The following TTC6 variants were observed in gnomAD, a reference collection of about 807,000 sequenced individuals.
The protein encoded by TTC6 is tetratricopeptide repeat protein 6.
In TTC6, 172 loss-of-function variants were observed where a neutral mutation model predicts 210.4. The observed-to-expected ratio is 0.82, with a 90% confidence interval of 0.72 to 0.93. The LOEUF is 0.93. Among genes scored for constraint, TTC6 ranks in the 40% least tolerant of loss-of-function variants. TTC6 has a pLI of 0.00. For missense variants in TTC6, 2,414 were observed against 2,318.1 expected (o/e 1.04, Z -0.85); for synonymous variants, 804 against 819.6 (o/e 0.98, Z 0.32).
In TTC6 at chr14:37,636,181, G is replaced by C. The variant is rs112567400; in HGVS notation, c.939+13178G>C. Among the ~76,000 whole-genome samples, 26 of 152,132 alleles carry C rather than the reference G, an allele frequency of 1.7e-4. 1 individual carries two copies. Among genetic ancestry groups the C allele is most frequent in the African/African-American group, 5.8e-4 (24 of 41,510 alleles). On this transcript the variant is annotated intron_variant, in intron 1 of 30. Coordinates refer to ENST00000553443, the Ensembl canonical transcript of TTC6. Reference sequence around the variant, plus strand: ...AATTGAAAATTATAGTTAAAAACGCGTAACACCCTTCTTTCAGCAATTGGT... The same window carrying C: ...AATTGAAAATTATAGTTAAAAACGCCTAACACCCTTCTTTCAGCAATTGGT...
exon 6 of TTC6, chr14:37,714,679 G>A (rs1392242483): frequency 6.5e-7 from 1 of 1,535,252 alleles, no homozygotes; most frequent in African/African-American, 1.4e-5. Context: ...TTCCTGTTAT[G>A]GATGACAACC....
At chr14:37,826,650 T>A (rs961576136) in intron 28 of TTC6, among the ~76,000 whole-genome samples, 2 of 152,134 alleles carry the variant, frequency 1.3e-5, no homozygotes, top group African/African-American at 2.4e-5. Context: ...CATAAAATAA[T>A]GTTCTAGGTT....
chr14:37,804,845 T>C (rs1026620053), intron 21 of TTC6, 31 bp downstream of exon 23: 8 of 1,606,994 alleles, frequency 5.0e-6, no homozygotes, highest in South Asian at 3.3e-5. Context: ...TATAGATTAT[T>C]TGTGATTTTA....
chr14:37,618,559 A>G (rs191081427), upstream of TTC6, among the ~76,000 whole-genome samples: 150 of 152,340 alleles, frequency 9.8e-4, no homozygotes, highest in Middle Eastern at 3.4e-3. Flanking sequence ...GCTCCTATGA[A>G]AAAGAGAACA....
At chr14:37,638,541 C>T (rs2095685365) in intron 1 of TTC6, among the ~76,000 whole-genome samples, 1 of 151,460 alleles carries the variant, frequency 6.6e-6, no homozygotes, top group African/African-American at 2.4e-5. Context: ...AGGCGTGAAC[C>T]ACTGCCCCCG....
chr14:37,827,191 T>C lies in TTC6; in HGVS notation c.5128-5T>C, dbSNP rs758895815. 1 of 1,608,834 alleles carries C rather than the reference T, an allele frequency of 6.2e-7. No individual in the cohort carries two copies. Reference sequence around the variant, plus strand: ...ATGTTAAATAATCATAATATTATACTGCAGATCAGTACTACAGCAGAATTC... The same window carrying C: ...ATGTTAAATAATCATAATATTATACCGCAGATCAGTACTACAGCAGAATTC... On this transcript the variant is annotated splice_polypyrimidine_tract_variant and splice_region_variant and intron_variant, in intron 28 of 30. Coordinates refer to ENST00000553443, the Ensembl canonical transcript of TTC6.
upstream of TTC6, among the ~76,000 whole-genome samples, chr14:37,617,404 A>T (rs2095644540): frequency 1.3e-5 from 2 of 152,144 alleles, no homozygotes; most frequent in Non-Finnish European, 2.9e-5. Context: ...AATTTCTGTG[A>T]GCTTTTGAAT....
intron 1 of TTC6, among the ~76,000 whole-genome samples, chr14:37,677,934 A>G (rs2095773974): frequency 6.6e-6 from 1 of 152,098 alleles, no homozygotes; most frequent in Non-Finnish European, 1.5e-5. Flanking sequence ...TTTAATGTTG[A>G]ACACTTATAA....
intron 1 of TTC6, among the ~76,000 whole-genome samples, chr14:37,644,778 T>C (rs1295038248): frequency 6.6e-6 from 1 of 152,168 alleles, no homozygotes; most frequent in Non-Finnish European, 1.5e-5. Flanking sequence ...TTTTTAGCTT[T>C]AAGGAATTAG....
chr14:37,753,636 A>G (rs545921150), intron 14 of TTC6, among the ~76,000 whole-genome samples: 1 of 152,120 alleles, frequency 6.6e-6, no homozygotes, highest in South Asian at 2.1e-4. Flanking sequence ...TGACGCAGTC[A>G]TGGCTCACTG....
intron 14 of TTC6, among the ~76,000 whole-genome samples, chr14:37,766,760 G>A (rs2096000780): frequency 6.6e-6 from 1 of 152,006 alleles, no homozygotes; most frequent in Non-Finnish European, 1.5e-5. Flanking sequence ...TGGTAATTCT[G>A]CTTTGAGTTC....
chr14:37,687,603 G>T (rs2095796383), intron 3 of TTC6, among the ~76,000 whole-genome samples: 1 of 152,160 alleles, frequency 6.6e-6, no homozygotes, highest in Admixed American at 6.5e-5. Context: ...GGAGATGGAA[G>T]AGTGGGGAAG....
At chr14:37,602,472 A>G (rs1234836644) in intron 1 of TTC6, among the ~76,000 whole-genome samples, 1 of 152,106 alleles carries the variant, frequency 6.6e-6, no homozygotes, top group African/African-American at 2.4e-5. Context: ...TTTATTTGCC[A>G]CGAAAGCAGG....
chr14:37,724,878 CT>C lies in TTC6; in HGVS notation c.1714-16del. 7.2e-7 allele frequency: 1 copy of C among 1,396,440 alleles called. No homozygotes were observed. The highest frequency in any genetic ancestry group is 9.7e-7 in the Non-Finnish European group (1 of 1,034,668). 86.5% of individuals were successfully genotyped at this position (1,396,440 alleles called of 1,614,324 possible). A position where few individuals can be genotyped will look rare whatever the true frequency, so the allele number is the denominator to read the frequency against. Reference sequence around the variant, plus strand: ...GCCATTTCTTACCATTTCTAATAACCTTTTATGTTATTTTCAAAGATGTATG... The same window carrying C: ...GCCATTTCTTACCATTTCTAATAACCTTTATGTTATTTTCAAAGATGTATG... On this transcript the variant is annotated intron_variant, in intron 6 of 30. Coordinates refer to ENST00000553443, the Ensembl canonical transcript of TTC6.
chr14:37,628,951 G>C (rs1330665746), intron 1 of TTC6, among the ~76,000 whole-genome samples: 2 of 152,128 alleles, frequency 1.3e-5, no homozygotes, highest in Admixed American at 1.3e-4. Flanking sequence ...CCTCTGTTCT[G>C]TTCCATTGGT....
chr14:37,610,812 T>C (rs1217635256), intron 2 of TTC6, among the ~76,000 whole-genome samples: 1 of 152,214 alleles, frequency 6.6e-6, no homozygotes, highest in Non-Finnish European at 1.5e-5. Flanking sequence ...TTTTGAACTT[T>C]GTGTGATGAA....
chr14:37,724,083 G>A (rs1357964014), intron 6 of TTC6, among the ~76,000 whole-genome samples: 5 of 151,956 alleles, frequency 3.3e-5, no homozygotes, highest in African/African-American at 1.2e-4. Flanking sequence ...AACCACACTA[G>A]CAAACACCTG....
intron 7 of TTC6, among the ~76,000 whole-genome samples, chr14:37,725,261 G>GTATATATGTATATATATAAAATT (rs2095869377): frequency 9.4e-6 from 1 of 106,274 alleles, no homozygotes; most frequent in Non-Finnish European, 1.9e-5. Flanking sequence ...ATATATACAT[G>GTATATATGTATATATATAAAATT]TATATATGTA....
At chr14:37,599,119 C>G (rs1329758209) in intron 1 of TTC6, among the ~76,000 whole-genome samples, 3 of 152,126 alleles carry the variant, frequency 2.0e-5, no homozygotes, top group Non-Finnish European at 4.4e-5. Context: ...GCCTGGCCTT[C>G]GCAGGTGGAT....
Sources: allele counts gnomAD v4.1 joint callset (sites outside exome capture counted in the v4.1 genomes callset), GRCh38; gene constraint gnomAD v4.1.1; transcripts MANE v1.5; gene names NCBI Gene and HGNC (gene_info 2026-07-23, HGNC 2026-07-21).